Variants in VPS35 observed in about 807,000 individuals in gnomAD.
VPS35 encodes VPS35 retromer complex component.
VPS35 carries 21 observed loss-of-function variants against 98.1 expected under a neutral mutation model. The observed-to-expected ratio is 0.21, with a 90% CI of 0.15 to 0.31. The LOEUF (loss-of-function observed/expected upper bound fraction) is 0.31. Ranked by LOEUF, VPS35 falls within the 10% of genes least tolerant of loss-of-function variation. VPS35 has a pLI of 1.00. For synonymous variants in VPS35, 268 were observed against 318.2 expected, an observed-to-expected ratio of 0.84 and a Z score of 1.68; for missense variants, 554 against 950.8, an observed-to-expected ratio of 0.58 and a Z score of 5.49.
At position 46,674,768 on chromosome 16, in the gene VPS35, CA is replaced by C. The variant is rs1966120039; in HGVS notation, c.915-109del. On this transcript the variant is annotated intron_variant, in intron 8 of 16. Transcript: ENST00000299138. Reference sequence around the variant, plus strand: ...TGCTTTTCTATATTTTGTATGAGCCCAAAAGGTTTTTGTTTTTTTTGTTTTG... The same window carrying C: ...TGCTTTTCTATATTTTGTATGAGCCCAAAGGTTTTTGTTTTTTTTGTTTTG... 3 of 1,096,106 alleles carry C rather than the reference CA, an allele frequency of 2.7e-6. No individual in the cohort carries two copies. The South Asian group carries it at 4.4e-5, about 16-fold the overall frequency. 67.9% of individuals were successfully genotyped at this position (1,096,106 alleles called of 1,614,324 possible). A position where few individuals can be genotyped will look rare whatever the true frequency, so the allele number is the denominator to read the frequency against.
intron 6 of VPS35, 70 bp from the exon 7 acceptor site, chr16:46,677,468 G>T: frequency 8.2e-7 from 1 of 1,222,318 alleles, no homozygotes; most frequent in Non-Finnish European, 1.2e-6. Flanking sequence ...CTCTAGTAAC[G>T]CATTTGAACT....
rs764695026 is a variant in VPS35, at chr16:46,662,416, T to C, written c.1894A>G (p.Ile632Val). The change falls in exon 15 of 17, where the codon ATT (isoleucine) becomes GTT (valine). Residue 632 changes from isoleucine (I) to valine (V), a missense_variant. Ile to Val is a conservative substitution (Grantham distance 29). Around this residue, in one of 5 missense-constraint regions of VPS35, gnomAD observed 153 missense variants for 211.0 expected, o/e 0.73. Transcript: ENST00000299138. ...KAQLAAITLI[I>V]GTFERMKCFS... Reference sequence around the variant, plus strand: ...CACTTCATCCTTTCAAAAGTGCCAATGATCAAGGTGATGGCAGCTAGCTGT... The same window carrying C: ...CACTTCATCCTTTCAAAAGTGCCAACGATCAAGGTGATGGCAGCTAGCTGT... 6 of 1,614,102 alleles carry C rather than the reference T, an allele frequency of 3.7e-6. No individual in the cohort carries two copies. The highest frequency in any genetic ancestry group is 1.3e-5 in the African/African-American group (1 of 74,946).
chr16:46,688,756 T>C (rs944352654), intron 1 of VPS35: 8 of 1,233,276 alleles, frequency 6.5e-6, no homozygotes, highest in African/African-American at 1.5e-5. Flanking sequence ...TCTCAGGGCC[T>C]CCACGCGCCC....
chr16:46,661,633 T>C lies in VPS35; in HGVS notation c.2211+85A>G. 1 of 1,246,686 alleles carries C rather than the reference T, an allele frequency of 8.0e-7. No individual in the cohort carries two copies. The highest frequency in any genetic ancestry group is 1.2e-6 in the Non-Finnish European group (1 of 864,454). 77.2% of individuals were successfully genotyped at this position (1,246,686 alleles called of 1,614,324 possible). ...ATGAACAGTGATTAAAGTATCAGAA[T>C]GATAAACTTTTGTACATATCAAATC... On this transcript the variant is annotated intron_variant, in intron 16 of 16. Transcript: ENST00000299138. The surrounding 1 kb of genome is among the most constrained non-coding windows in gnomAD (Gnocchi z 4.3).
At chr16:46,671,646 C>A (rs71380965) in intron 12 of VPS35, 59 bp downstream of exon 12, 12 of 1,607,876 alleles carry the variant, frequency 7.5e-6, no homozygotes, top group Non-Finnish European at 1.0e-5. Context: ...ATTTTAAGCA[C>A]TTGAACATGT....
Position 46,656,786 on chromosome 16 carries a change from C to T in VPS35, c.*3686G>A, listed in dbSNP as rs1376727573. On this transcript the variant is annotated 3_prime_UTR_variant, in exon 17 of 17. Coordinates refer to ENST00000299138, the MANE Select transcript of VPS35 (RefSeq NM_018206.6). Reference sequence around the variant, plus strand: ...CTTTGGGAGGCTGAGCCAGGTGGATCACAAGGTCAGAAGTTCGTGACCAGC... The same window carrying T: ...CTTTGGGAGGCTGAGCCAGGTGGATTACAAGGTCAGAAGTTCGTGACCAGC... 1 of 152,292 alleles carries T rather than the reference C, an allele frequency of 6.6e-6. No individual in the cohort carries two copies. The highest frequency in any genetic ancestry group is 1.5e-5 in the Non-Finnish European group (1 of 68,160). The allele number at this position is 152,292 out of a possible 1,614,324, so 9.4% of individuals were successfully genotyped here.
In VPS35 at chr16:46,656,341, G is replaced by T. The variant is rs1432890461; in HGVS notation, c.*4131C>A. 6.6e-6 allele frequency: 1 copy of T among 152,200 alleles called. No individual in the cohort carries two copies. The highest frequency in any genetic ancestry group is 2.4e-5 in the African/African-American group (1 of 41,442). The allele number at this position is 152,200 out of a possible 1,614,324, so 9.4% of individuals were successfully genotyped here. ...GTTTTGGGAGCAGACTTGAATTGCAGAACTGAAGTTACAATTGGCACATCC... is the reference window on the plus strand; with the variant it reads ...GTTTTGGGAGCAGACTTGAATTGCATAACTGAAGTTACAATTGGCACATCC... On this transcript the variant is annotated 3_prime_UTR_variant, in exon 17 of 17. Transcript: ENST00000299138.
intron 1 of VPS35, 126 bp from the exon 2 acceptor site, chr16:46,683,732 A>T (rs572456607): frequency 3.0e-5 from 29 of 959,970 alleles, no homozygotes; most frequent in East Asian, 8.8e-5. Context: ...CATTTACCAA[A>T]TTTTTTTTTT....
intron 10 of VPS35, among the ~76,000 whole-genome samples, 196 bp from the exon 11 acceptor site, chr16:46,672,668 T>C (rs192332203): frequency 6.6e-6 from 1 of 152,330 alleles, no homozygotes; most frequent in African/African-American, 2.4e-5. Context: ...AAATATATAT[T>C]CATCTATTAT....
At chr16:46,683,141 G>A (rs1966259078) in intron 2 of VPS35, 1 of 237,420 alleles carries the variant, frequency 4.2e-6, no homozygotes, top group Non-Finnish European at 8.3e-6. Context: ...TATTTACTGA[G>A]TACCTATTAT....
intron 13 of VPS35, among the ~76,000 whole-genome samples, chr16:46,667,605 A>G (rs928348525): frequency 1.3e-5 from 2 of 152,176 alleles, no homozygotes; most frequent in Non-Finnish European, 2.9e-5. Context: ...CCAAAAAATC[A>G]TTGACCAATG....
chr16:46,688,018 A>G (rs1307323752), intron 1 of VPS35, among the ~76,000 whole-genome samples: 1 of 152,258 alleles, frequency 6.6e-6, no homozygotes, highest in Non-Finnish European at 1.5e-5. Flanking sequence ...CACAAATCCT[A>G]AAGTTAAATT....
intron 12 of VPS35, 193 bp from the exon 13 acceptor site, chr16:46,669,245 T>C (rs1966033874): frequency 1.5e-5 from 10 of 689,654 alleles, no homozygotes; most frequent in Non-Finnish European, 2.4e-5. Context: ...ACTATTCCAT[T>C]TCACAAATGG....
intron 6 of VPS35, among the ~76,000 whole-genome samples, chr16:46,678,688 T>C (rs1966188382): frequency 6.6e-6 from 1 of 152,244 alleles, no homozygotes; most frequent in African/African-American, 2.4e-5. Flanking sequence ...TCTTAATTTC[T>C]ACAAAAGTCT....
chr16:46,662,153 C>A, intron 15 of VPS35, 90 bp downstream of exon 15: 1 of 1,606,764 alleles, frequency 6.2e-7, no homozygotes, highest in Non-Finnish European at 8.5e-7. Flanking sequence ...TCCAAGCACC[C>A]CAAATGTTTC....
rs567251715 is a variant in VPS35 at position 46,671,761 on chromosome 16, G to C, written c.1468C>G (p.Leu490Val). The change falls in exon 12 of 17, where the codon CTT becomes GTT. Residue 490 changes from leucine (L) to valine (V), a missense_variant. Physicochemically the swap from Leu to Val is conservative, Grantham distance 32. This residue lies in a region of VPS35 where 254 missense variants were observed against 390.1 expected (regional missense o/e 0.65). Coordinates refer to ENST00000299138, the MANE Select transcript of VPS35 (RefSeq NM_018206.6). ...DPEDFADEQS[L>V]VGRFIHLLRS... ...AGCAGATGAATGAAGCGGCCCACAA[G>C]GCTCTGCTCATCAGCAAAATCTTCT... The C allele has an allele frequency of 6.2e-7, 1 of 1,614,102 alleles. No homozygotes were observed. The highest frequency in any genetic ancestry group is 8.5e-7 in the Non-Finnish European group (1 of 1,180,010).
Position 46,674,572 on chromosome 16 carries a change from C to T in VPS35, c.1003G>A (p.Val335Met). Reference protein sequence around the residue: ...FDIFSQQVATVIQSRQDMPSE... With the variant: ...FDIFSQQVATMIQSRQDMPSE... Reference sequence around the variant, plus strand: ...AGAAATGCTACACAAACCTGTATCACTGTAGCCACCTGCTGTGAAAATATA... The same window carrying T: ...AGAAATGCTACACAAACCTGTATCATTGTAGCCACCTGCTGTGAAAATATA... Residue 335 changes from valine (V) to methionine (M), a missense_variant, in exon 9 of 17, where the codon GTG (valine) becomes ATG (methionine). Physicochemically the swap from Val to Met is conservative, Grantham distance 21 (BLOSUM62 1). Transcript: ENST00000299138. 4 of 1,610,818 alleles carry T rather than the reference C, an allele frequency of 2.5e-6. No individual in the cohort carries two copies. The highest frequency in any genetic ancestry group is 3.4e-6 in the Non-Finnish European group (4 of 1,178,260).
chr16:46,665,146 C>T (rs1965970055), intron 13 of VPS35, among the ~76,000 whole-genome samples: 1 of 152,178 alleles, frequency 6.6e-6, no homozygotes, highest in African/African-American at 2.4e-5. Flanking sequence ...TTCATCACAC[C>T]ATCGCCATTG....
rs906524935 is a variant in VPS35 at position 46,658,123 on chromosome 16, C to G, written c.*2349G>C. The G allele has an allele frequency of 6.6e-6, 1 of 152,386 alleles. No individual in the cohort carries two copies. Among genetic ancestry groups the G allele is most frequent in the Non-Finnish European group, 1.5e-5 (1 of 68,034 alleles). The allele number at this position is 152,386 out of a possible 1,614,324, so 9.4% of individuals were successfully genotyped here. ...TACAGGCAGCCAAGAGTATAACTTG[C>G]TTCAGCCCATGGGTCTGAGGAGCCT... On this transcript the variant is annotated 3_prime_UTR_variant, in exon 17 of 17. Coordinates refer to ENST00000299138, the MANE Select transcript of VPS35 (RefSeq NM_018206.6).
Sources: gnomAD v4.1 joint callset for allele counts (sites outside exome capture counted in the v4.1 genomes callset) on GRCh38, gnomAD v4.1.1 for gene constraint, gnomAD v4.1.1 regional missense constraint, Gnocchi (gnomAD v3.1) non-coding constraint, MANE v1.5 for transcripts, NCBI Gene and HGNC (gene_info 2026-07-23, HGNC 2026-07-21) for gene names.